Variants in INSYN2B observed in about 807,000 individuals in gnomAD.
The protein encoded by INSYN2B is protein INSYN2B.
A neutral mutation model predicts 41.2 loss-of-function variants in INSYN2B; 16 were observed. That is an observed-to-expected ratio of 0.39 (90% CI 0.26 to 0.59). The LOEUF (loss-of-function observed/expected upper bound fraction) is 0.59. INSYN2B is among the 20% of genes least tolerant of loss of function. The pLI, the probability that INSYN2B is intolerant of heterozygous loss-of-function variation, is 0.57. For missense variants in INSYN2B, 608 were observed against 646.4 expected, an observed-to-expected ratio of 0.94 and a Z score of 0.64; for synonymous variants, 245 against 244.4, an observed-to-expected ratio of 1.00 and a Z score of -0.02.
intron 1 of INSYN2B, among the ~76,000 whole-genome samples, chr5:169,925,571 C>A (rs1775396859): frequency 8.9e-6 from 1 of 112,018 alleles, no homozygotes. Context: ...CAGAGCAAGA[C>A]TCTGTCTTAA....
chr5:169,864,185 A>G lies in INSYN2B; in HGVS notation c.*88T>C, dbSNP rs910821293. On this transcript the variant is annotated 3_prime_UTR_variant, in exon 4 of 4. Coordinates refer to ENST00000377365, the MANE Select transcript of INSYN2B (RefSeq NM_001129891.3). ...GGGCTCACAGCCCAGGGCCTTTGCA[A>G]AGAAGCAGGGCAGGCCTTAAGTGCA... 1 of 1,222,880 alleles carries G rather than the reference A, an allele frequency of 8.2e-7. No individual in the cohort carries two copies. Among genetic ancestry groups the G allele is most frequent in the Non-Finnish European group, 1.2e-6 (1 of 855,266 alleles). 75.8% of individuals were successfully genotyped at this position (1,222,880 alleles called of 1,614,324 possible). A position where few individuals can be genotyped will look rare whatever the true frequency, so the allele number is the denominator to read the frequency against.
chr5:169,874,668 C>T (rs1772211283), intron 3 of INSYN2B, among the ~76,000 whole-genome samples: 1 of 152,140 alleles, frequency 6.6e-6, no homozygotes, highest in South Asian at 2.1e-4. Flanking sequence ...CGTTTGGTCC[C>T]TTGGCCAGGG....
At chr5:169,903,314 A>G (rs1463080758) in intron 1 of INSYN2B, among the ~76,000 whole-genome samples, 2 of 146,086 alleles carry the variant, frequency 1.4e-5, no homozygotes, top group Non-Finnish European at 3.0e-5. Context: ...ACAACAATAA[A>G]AAAAAAAAAA....
At chr5:169,892,600 T>C (rs1168623995) in intron 1 of INSYN2B, among the ~76,000 whole-genome samples, 3 of 152,224 alleles carry the variant, frequency 2.0e-5, no homozygotes, top group Non-Finnish European at 4.4e-5. Context: ...CCACTAATGC[T>C]ATTTTTTTCT....
chr5:169,930,591 TG>T (rs373372951), intron 1 of INSYN2B, among the ~76,000 whole-genome samples: 29 of 152,334 alleles, frequency 1.9e-4, no homozygotes, highest in African/African-American at 7.0e-4. Context: ...AAAATGAATG[TG>T]GTGGCTGCCA....
chr5:169,862,049 C>G lies in INSYN2B; in HGVS notation c.*2224G>C, dbSNP rs775896185. On this transcript the variant is annotated 3_prime_UTR_variant, in exon 4 of 4. Coordinates refer to ENST00000377365, the MANE Select transcript of INSYN2B (RefSeq NM_001129891.3). ...CCTCAACTGGAAACATATCTATGACCACATCAGCTTATTAATTTTGTGTGA... is the reference window on the plus strand; with the variant it reads ...CCTCAACTGGAAACATATCTATGACGACATCAGCTTATTAATTTTGTGTGA... Among the ~76,000 whole-genome samples the G allele has an allele frequency of 6.4e-4, 97 of 151,838 alleles. No individual in the cohort carries two copies. Among genetic ancestry groups the G allele is most frequent in the Non-Finnish European group, 1.2e-3 (82 of 68,020 alleles).
intron 1 of INSYN2B, among the ~76,000 whole-genome samples, chr5:169,945,488 A>G (rs1014270129): frequency 6.6e-6 from 1 of 152,258 alleles, no homozygotes; most frequent in African/African-American, 2.4e-5. Context: ...ACAGTGCCAA[A>G]CACTTTGTAT....
chr5:169,922,060 A>G (rs1280023448), intron 1 of INSYN2B, among the ~76,000 whole-genome samples: 2 of 152,202 alleles, frequency 1.3e-5, no homozygotes, highest in Non-Finnish European at 2.9e-5. Context: ...CCTTCTTTCT[A>G]TTCTGCTCAT....
chr5:169,955,641 GAGA>G (rs1318712737), intron 1 of INSYN2B, among the ~76,000 whole-genome samples: 1 of 152,186 alleles, frequency 6.6e-6, no homozygotes, highest in African/African-American at 2.4e-5. Context: ...TATCATGCAG[GAGA>G]AGAAGGCAGG....
rs1777884901 is a variant in INSYN2B, at chr5:169,980,021, G to C, written c.-919+256C>G. Reference sequence around the variant, plus strand: ...TGAGATCCAAGGTTTGTTTTTCTTTGCTTTTTTTCCCCCTTCAAATTCAAA... The same window carrying C: ...TGAGATCCAAGGTTTGTTTTTCTTTCCTTTTTTTCCCCCTTCAAATTCAAA... On this transcript the variant is annotated intron_variant, in intron 1 of 3. Coordinates refer to ENST00000377365, the MANE Select transcript of INSYN2B (RefSeq NM_001129891.3). Among the ~76,000 whole-genome samples, 3 of 152,040 alleles carry C rather than the reference G, an allele frequency of 2.0e-5. No homozygotes were observed. In the South Asian group the frequency reaches 6.2e-4, roughly 32 times the overall value.
intron 1 of INSYN2B, among the ~76,000 whole-genome samples, chr5:169,943,712 C>T (rs536392662): frequency 6.6e-6 from 1 of 152,286 alleles, no homozygotes; most frequent in East Asian, 1.9e-4. Context: ...TCAGCATCAC[C>T]TGGGAGCTTG....
At chr5:169,959,950 T>C (rs570167577) in intron 1 of INSYN2B, among the ~76,000 whole-genome samples, 4 of 152,364 alleles carry the variant, frequency 2.6e-5, no homozygotes, top group Non-Finnish European at 4.4e-5. Context: ...TTGGTTTCTG[T>C]TGAGGTCCAG....
At chr5:169,969,580 G>T (rs1777425860) in intron 1 of INSYN2B, among the ~76,000 whole-genome samples, 1 of 152,258 alleles carries the variant, frequency 6.6e-6, no homozygotes, top group Non-Finnish European at 1.5e-5. Context: ...AGAATTCAGA[G>T]TGGACAGCTT....
chr5:169,871,265 C>G (rs1311836076), intron 3 of INSYN2B, among the ~76,000 whole-genome samples: 1 of 152,098 alleles, frequency 6.6e-6, no homozygotes, highest in Non-Finnish European at 1.5e-5. Flanking sequence ...TAAAGAAGGA[C>G]CAAATGTTTT....
intron 1 of INSYN2B, among the ~76,000 whole-genome samples, chr5:169,937,452 A>G (rs1776044188): frequency 2.0e-5 from 3 of 152,230 alleles, no homozygotes; most frequent in African/African-American, 4.8e-5. Context: ...GACTGTGAGA[A>G]TTAGGTAAGA....
chr5:169,934,863 C>G (rs895383714), intron 1 of INSYN2B: 8 of 372,146 alleles, frequency 2.1e-5, no homozygotes, highest in East Asian at 7.4e-5. Flanking sequence ...TTATACATTG[C>G]CAAAACAACT....
intron 3 of INSYN2B, among the ~76,000 whole-genome samples, chr5:169,865,388 A>G (rs575136096): frequency 5.8e-4 from 88 of 152,236 alleles, no homozygotes; most frequent in Non-Finnish European, 1.1e-3. Flanking sequence ...TGACCTCTGC[A>G]TGTCTGGAAG....
intron 1 of INSYN2B, among the ~76,000 whole-genome samples, chr5:169,945,551 A>G (rs1776413662): frequency 1.3e-5 from 2 of 152,212 alleles, no homozygotes; most frequent in South Asian, 2.1e-4. Flanking sequence ...GGGAGATAGT[A>G]TTGTGCTCAT....
In INSYN2B at chr5:169,934,682, G is replaced by T. The variant is rs1356052104; in HGVS notation, c.-919+45595C>A. 13 of 456,210 alleles carry T rather than the reference G, an allele frequency of 2.8e-5. 1 individual carries two copies. The highest frequency in any genetic ancestry group is 3.3e-4 in the Middle Eastern group (1 of 3,076). 28.3% of individuals were successfully genotyped at this position (456,210 alleles called of 1,614,324 possible). On this transcript the variant is annotated intron_variant, in intron 1 of 3. Transcript: ENST00000377365. Reference sequence around the variant, plus strand: ...AGCTGATGATAGGACTGAACCGATTGGGTGCTACGGAGTATTAAATGTGAT... The same window carrying T: ...AGCTGATGATAGGACTGAACCGATTTGGTGCTACGGAGTATTAAATGTGAT...
Sources: gnomAD v4.1 joint callset for allele counts (sites outside exome capture counted in the v4.1 genomes callset) on GRCh38, gnomAD v4.1.1 for gene constraint, MANE v1.5 for transcripts, NCBI Gene and HGNC (gene_info 2026-07-23, HGNC 2026-07-21) for gene names.